The following OLFM1 variants were observed in gnomAD, a reference collection of about 807,000 sequenced individuals.
OLFM1 encodes noelin.
In OLFM1, 9 loss-of-function variants were observed where a neutral mutation model predicts 49.7. The observed-to-expected ratio is 0.18, with a 90% confidence interval of 0.11 to 0.32. The LOEUF (loss-of-function observed/expected upper bound fraction) is 0.32, where lower values mean the gene tolerates loss of function less well. OLFM1 is among the 10% of genes least tolerant of loss of function. The probability of loss-of-function intolerance (pLI) is 1.00; values close to 1 mark genes in which losing one functional copy is unlikely to be tolerated. For missense variants in OLFM1, 369 were observed against 661.8 expected, an observed-to-expected ratio of 0.56 and a Z score of 4.85; for synonymous variants, 240 against 271.8, an observed-to-expected ratio of 0.88 and a Z score of 1.15.
chr9:135,076,636 T>G, intron 1 of OLFM1: 1 of 1,140,566 alleles, frequency 8.8e-7, no homozygotes, highest in South Asian at 1.7e-5. Context: ...GCCGGGCTGC[T>G]TGGGAGTGAC....
chr9:135,081,350 G>A (rs1047727931), intron 1 of OLFM1, among the ~76,000 whole-genome samples: 3 of 152,320 alleles, frequency 2.0e-5, no homozygotes, highest in African/African-American at 7.2e-5. Flanking sequence ...TGGTGCTGCT[G>A]CCGGGTCGCC....
intron 4 of OLFM1, among the ~76,000 whole-genome samples, chr9:135,101,078 C>T (rs1197528462): frequency 6.6e-6 from 1 of 152,198 alleles, no homozygotes; most frequent in Non-Finnish European, 1.5e-5. Flanking sequence ...TTCATTTTAG[C>T]CTTGCAAATA....
At chr9:135,118,775 GTCTTTGGAGTGCTCGCCGT>G (rs1831137979) in intron 5 of OLFM1, among the ~76,000 whole-genome samples, 1 of 148,712 alleles carries the variant, frequency 6.7e-6, no homozygotes, top group Non-Finnish European at 1.5e-5. Context: ...TGCTCGCCGT[GTCTTTGGAGTGCTCGCCGT>G]GTCTTTGGAG....
At chr9:135,118,467 A>ACTGGGTCTTTGGAGTGCTCG (rs1189947959) in intron 5 of OLFM1, among the ~76,000 whole-genome samples, 2 of 136,244 alleles carry the variant, frequency 1.5e-5, no homozygotes, top group African/African-American at 5.8e-5. Flanking sequence ...TAGAGTGCTT[A>ACTGGGTCTTTGGAGTGCTCG]CTGGGTCTTT....
chr9:135,075,869 A>G, intron 1 of OLFM1: 1 of 1,490,628 alleles, frequency 6.7e-7, no homozygotes, highest in Non-Finnish European at 9.0e-7. Context: ...GAGCCCCACA[A>G]AGTCCGGGAA....
At position 135,118,199 on chromosome 9, in the gene OLFM1, G is replaced by T. The variant is rs1200918057; in HGVS notation, c.784-1305G>T. ...GCCTGTTCCACCCCACTTTGGAAGT[G>T]CTCGCCGGGTCTTTGGAAGTGCTCA... On this transcript the variant is annotated intron_variant, in intron 5 of 5. Coordinates refer to ENST00000371793, the MANE Select transcript of OLFM1 (RefSeq NM_001282611.2). 2.0e-5 allele frequency among the ~76,000 whole-genome samples: 3 copies of T among 152,324 alleles called. No individual in the cohort carries two copies. In the East Asian group the frequency reaches 5.8e-4, roughly 29 times the overall value.
At position 135,115,397 on chromosome 9, in the gene OLFM1, G is replaced by A. The variant is rs182550531; in HGVS notation, c.784-4107G>A. On this transcript the variant is annotated intron_variant, in intron 5 of 5. Coordinates refer to ENST00000371793, the MANE Select transcript of OLFM1 (RefSeq NM_001282611.2). The stretch of plus-strand genomic sequence containing the variant: ...CCCAAGGTCAGCCCTGATGGGTGAC[G>A]CAGGGACAGAGGGTTTGCCCTCCAG... Among the ~76,000 whole-genome samples, 154 of 152,366 alleles carry A rather than the reference G, an allele frequency of 1.0e-3. 2 individuals carry two copies. Among genetic ancestry groups the A allele is most frequent in the African/African-American group, 3.2e-3 (132 of 41,592 alleles).
intron 5 of OLFM1, among the ~76,000 whole-genome samples, chr9:135,108,948 C>G (rs1830984625): frequency 6.6e-6 from 1 of 152,110 alleles, no homozygotes; most frequent in South Asian, 2.1e-4. Flanking sequence ...AGTGCCCTTC[C>G]CACACCTCCC....
Position 135,095,984 on chromosome 9 carries a change from G to A in OLFM1, c.421G>A (p.Glu141Lys). 6.5e-7 allele frequency: 1 copy of A among 1,539,462 alleles called. No individual in the cohort carries two copies. ...GLESKFKQVE[E>K]SHKQHLARQF... Reference sequence around the variant, plus strand: ...GGAGTCCAAGTTCAAACAGGTGGAGGAGAGTCATAAGCAACACCTGGCCAG... The same window carrying A: ...GGAGTCCAAGTTCAAACAGGTGGAGAAGAGTCATAAGCAACACCTGGCCAG... Residue 141 changes from glutamate to lysine, a missense_variant, in exon 3 of 6, where the codon GAG becomes AAG. Glu to Lys is a moderately conservative substitution (Grantham distance 56). This residue lies in a region of OLFM1 where 294 missense variants were observed against 567.5 expected (regional missense o/e 0.52). Coordinates refer to ENST00000371793, the MANE Select transcript of OLFM1 (RefSeq NM_001282611.2).
At chr9:135,106,922 C>T in intron 5 of OLFM1, 67 bp downstream of exon 5, 1 of 1,287,008 alleles carries the variant, frequency 7.8e-7, no homozygotes. Flanking sequence ...TGGTGGGCCC[C>T]AGACATGGGT....
chr9:135,112,731 T>G (rs1057445468), intron 5 of OLFM1, among the ~76,000 whole-genome samples: 12 of 152,224 alleles, frequency 7.9e-5, no homozygotes, highest in African/African-American at 2.7e-4. Context: ...AGGGCTCGTG[T>G]GGACACCGTG....
chr9:135,096,269 C>T (rs111590462), intron 3 of OLFM1, among the ~76,000 whole-genome samples: 1 of 108,364 alleles, frequency 9.2e-6, no homozygotes, highest in Non-Finnish European at 1.9e-5. Context: ...TCTCCTTCTT[C>T]TCCTCCTCTT....
chr9:135,078,498 G>A (rs763113955), intron 1 of OLFM1, among the ~76,000 whole-genome samples: 7 of 152,216 alleles, frequency 4.6e-5, no homozygotes, highest in Admixed American at 3.3e-4. Context: ...AACACCAACC[G>A]TTGATGGATG....
chr9:135,084,057 A>T (rs1830565035), upstream of OLFM1, among the ~76,000 whole-genome samples: 1 of 152,196 alleles, frequency 6.6e-6, no homozygotes, highest in Non-Finnish European at 1.5e-5. The surrounding 1 kb of genome is among the most constrained non-coding windows in gnomAD (Gnocchi z 4.6). Context: ...GAGGCCTCAG[A>T]GGAGGGGAGT....
chr9:135,087,709 A>T lies in OLFM1; in HGVS notation c.-281A>T. ...TCCCGGTGGCGGCGGAGGAGCCCGG[A>T]GGGACGCAGCCGGGCAAGGCAGGGC... On this transcript the variant is annotated 5_prime_UTR_variant, in exon 1 of 6. Transcript: ENST00000371793. 2 of 388,782 alleles carry T rather than the reference A, an allele frequency of 5.1e-6. No individual in the cohort carries two copies. Among genetic ancestry groups the T allele is most frequent in the Non-Finnish European group, 7.2e-6 (2 of 277,542 alleles). The allele number at this position is 388,782 out of a possible 1,614,324, so 24.1% of individuals were successfully genotyped here. A position where few individuals can be genotyped will look rare whatever the true frequency, so the allele number is the denominator to read the frequency against.
At position 135,076,109 on chromosome 9, in the gene OLFM1, G is replaced by A. The variant is rs1479727723; in HGVS notation, c.96+307G>A. 2.6e-6 allele frequency: 4 copies of A among 1,543,732 alleles called. No individual in the cohort carries two copies. The South Asian group carries it at 4.8e-5, about 19-fold the overall frequency. Reference sequence around the variant, plus strand: ...AGAAGTTCAAAGGGCAGCACGAGGGGGTCTTTGGCTGCTATTGTCATCTGG... The same window carrying A: ...AGAAGTTCAAAGGGCAGCACGAGGGAGTCTTTGGCTGCTATTGTCATCTGG... On this transcript the variant is annotated intron_variant, in intron 1 of 5. Transcript: ENST00000252854.
upstream of OLFM1, among the ~76,000 whole-genome samples, chr9:135,084,234 C>T (rs1588202623): frequency 2.0e-5 from 3 of 152,212 alleles, no homozygotes; most frequent in East Asian, 1.9e-4. This position sits in a 1 kb window ranked among gnomAD's most constrained non-coding sequence, Gnocchi z 4.6. Context: ...CTACATACAA[C>T]GTAGAAAAAG....
chr9:135,090,159 T>G, intron 1 of OLFM1, 36 bp from the exon 2 acceptor site: 1 of 1,576,138 alleles, frequency 6.3e-7, no homozygotes, highest in South Asian at 1.1e-5. Flanking sequence ...TCCCTTTCTC[T>G]CCTTCCCTCT....
rs1830616834 is a variant in OLFM1 at position 135,087,672 on chromosome 9, C to A, written c.-318C>A. The A allele has an allele frequency of 2.1e-6, 1 of 467,632 alleles. No homozygotes were observed. Among genetic ancestry groups the A allele is most frequent in the Non-Finnish European group, 3.1e-6 (1 of 319,436 alleles). 29.0% of individuals were successfully genotyped at this position (467,632 alleles called of 1,614,324 possible). On this transcript the variant is annotated 5_prime_UTR_variant, in exon 1 of 6. Transcript: ENST00000371793. ...CGCGCAGCCCGCGCAGCGCTCAGAG[C>A]CGGACGGCGCTTCCCGGTGGCGGCG...
Sources: allele counts gnomAD v4.1 joint callset (sites outside exome capture counted in the v4.1 genomes callset), GRCh38; gene constraint gnomAD v4.1.1; regional missense constraint gnomAD v4.1.1; non-coding constraint Gnocchi (gnomAD v3.1); transcripts MANE v1.5; gene names NCBI Gene and HGNC (gene_info 2026-07-23, HGNC 2026-07-21).